Variants in F8 observed in about 807,000 individuals in gnomAD.
The protein encoded by F8 is coagulation factor VIII, also known as antihemophilic factor.
Under a neutral mutation model 140.6 loss-of-function variants are expected in F8, and 12 were observed. That is an observed-to-expected ratio of 0.09 (90% CI 0.05 to 0.14). F8 has a LOEUF of 0.14. Among genes scored for constraint, F8 ranks in the 10% least tolerant of loss-of-function variants. F8 has a pLI of 1.00. For missense variants in F8, 1,354 were observed against 1,720.7 expected, an observed-to-expected ratio of 0.79 and a Z score of 3.77; for synonymous variants, 585 against 614.6, an observed-to-expected ratio of 0.95 and a Z score of 0.71.
chrX:155,003,960 C>CAAAAA (rs869097926), intron 1 of F8, among the ~76,000 whole-genome samples: 4 of 33,161 alleles, frequency 1.2e-4, no homozygotes, highest in African/African-American at 1.2e-4. Context: ...GATTCTGTCT[C>CAAAAA]AAAAAAAAAA....
chrX:154,996,637 G>A (rs1423280551), intron 3 of F8, among the ~76,000 whole-genome samples: 1 of 111,307 alleles, frequency 9.0e-6, no homozygotes, highest in Non-Finnish European at 1.9e-5. Context: ...AAAATGGCAG[G>A]TTCTGTTTGA....
In F8 at chrX:154,899,414, T is replaced by C. The variant is rs1199458768; in HGVS notation, c.6273+452A>G. Among the ~76,000 whole-genome samples, 5 of 112,105 alleles carry C rather than the reference T, an allele frequency of 4.5e-5. No homozygotes were observed. The Admixed American group carries it at 4.7e-4, about 11-fold the overall frequency. The stretch of plus-strand genomic sequence containing the variant: ...ATGTTGAAATGATAGTATTTTCAGA[T>C]ATGTTGAGTTAAATAAAATGTATTA... On this transcript the variant is annotated intron_variant, in intron 21 of 25. Transcript: ENST00000360256.
chrX:155,010,205 T>C (rs1356398470), intron 1 of F8, among the ~76,000 whole-genome samples: 4 of 112,165 alleles, frequency 3.6e-5, no homozygotes, highest in Non-Finnish European at 5.6e-5. Flanking sequence ...TGTTCCAGGG[T>C]TCCTGGGTTT....
chrX:154,938,671 C>G (rs2073236971), intron 13 of F8, among the ~76,000 whole-genome samples: 1 of 110,804 alleles, frequency 9.0e-6, no homozygotes, highest in Non-Finnish European at 1.9e-5. Flanking sequence ...AGACAAACCA[C>G]AGACTGGGAG....
intron 4 of F8, among the ~76,000 whole-genome samples, chrX:154,990,440 A>ATGAAGT (rs2073581402): frequency 8.9e-6 from 1 of 111,817 alleles, no homozygotes; most frequent in Admixed American, 9.5e-5. Flanking sequence ...TTGAATTGGA[A>ATGAAGT]TGAAGTTGAA....
Position 154,904,038 on chromosome X carries a change from C to G in F8, c.5866G>C (p.Asp1956His). ...DTLPGLVMAQDQRIRWYLLSM... is the reference protein window; with the variant it reads ...DTLPGLVMAQHQRIRWYLLSM... Reference sequence around the variant, plus strand: ...AGCAGATACCATCGAATCCTTTGATCCTGAGCCATTACTAAGCCAGGTAGT... The same window carrying G: ...AGCAGATACCATCGAATCCTTTGATGCTGAGCCATTACTAAGCCAGGTAGT... Residue 1956 changes from aspartate to histidine, a missense_variant, in exon 18 of 26, where the codon GAT becomes CAT. Asp to His is a moderately conservative substitution (Grantham distance 81). Around this residue, in one of 4 missense-constraint regions of F8, gnomAD observed 316 missense variants for 485.4 expected, o/e 0.65. Transcript: ENST00000360256. The G allele has an allele frequency of 8.3e-7, 1 of 1,211,521 alleles. No individual in the cohort carries two copies. The highest frequency in any genetic ancestry group is 1.7e-5 in the African/African-American group (1 of 57,733).
intron 14 of F8, among the ~76,000 whole-genome samples, chrX:154,911,098 C>T (rs190777469): frequency 8.2e-5 from 9 of 109,271 alleles, no homozygotes; most frequent in African/African-American, 3.0e-4. Context: ...TCCCCCTCTC[C>T]GAGATGGTAG....
chrX:155,013,979 T>C (rs2073722188), intron 1 of F8, among the ~76,000 whole-genome samples: 1 of 111,438 alleles, frequency 9.0e-6, no homozygotes, highest in African/African-American at 3.3e-5. Flanking sequence ...AAAAGCCCTA[T>C]CTCCAAATAT....
intron 14 of F8, among the ~76,000 whole-genome samples, chrX:154,923,320 G>A (rs1339438855): frequency 4.5e-5 from 5 of 111,457 alleles, no homozygotes; most frequent in African/African-American, 1.3e-4. Flanking sequence ...TATCTTCATC[G>A]TTCCATTTCA....
chrX:154,847,333 C>T (rs1438961962), intron 25 of F8, among the ~76,000 whole-genome samples: 1 of 111,162 alleles, frequency 9.0e-6, no homozygotes, highest in African/African-American at 3.3e-5. Flanking sequence ...GTTGGCCTGC[C>T]TTGCTAGGTT....
chrX:154,935,350 C>T (rs1475521529), intron 13 of F8, among the ~76,000 whole-genome samples: 2 of 111,699 alleles, frequency 1.8e-5, no homozygotes, highest in East Asian at 5.6e-4. Context: ...GTCAATGGAA[C>T]AGAATGGAGA....
intron 1 of F8, among the ~76,000 whole-genome samples, chrX:155,008,242 T>G (rs1557286229): frequency 9.0e-6 from 1 of 111,504 alleles, no homozygotes; most frequent in Non-Finnish European, 1.9e-5. Flanking sequence ...GAAGATTACA[T>G]GGGGTTTGGG....
chrX:155,001,665 G>C (rs1301574304), intron 1 of F8, among the ~76,000 whole-genome samples: 2 of 111,077 alleles, frequency 1.8e-5, no homozygotes, highest in African/African-American at 6.5e-5. Context: ...TGTAATCCCA[G>C]TACTTTGGGA....
rs782187763 is a variant in F8 at position 154,999,569 on chromosome X, A to C, written c.175T>G (p.Phe59Val). 8.3e-7 allele frequency: 1 copy of C among 1,208,313 alleles called. No homozygotes were observed. The highest frequency in any genetic ancestry group is 1.1e-6 in the Non-Finnish European group (1 of 893,072). Residue 59 changes from phenylalanine to valine, a missense_variant, in exon 2 of 26, where the codon TTC (phenylalanine) becomes GTC (valine). This residue lies in a region of F8 where 128 missense variants were observed against 230.4 expected (regional missense o/e 0.56). Coordinates refer to ENST00000360256, the MANE Select transcript of F8 (RefSeq NM_000132.4). The stretch of plus-strand genomic sequence containing the variant: ...TTTTTGTACACGACTGAGGTGTTGA[A>C]TGGAAAAGATTTTGGCACTCTAGGA... ...FPPRVPKSFP[F>V]NTSVVYKKTL...
Position 154,860,561 on chromosome X carries a change from C to T in F8, c.6771G>A (p.Met2257Ile). Reference sequence around the variant, plus strand: ...CCTGAGTAGTTACTCCTGTGACTTTCATTGTCTTCTGGAAGTCCACTTGCA... The same window carrying T: ...CCTGAGTAGTTACTCCTGTGACTTTTATTGTCTTCTGGAAGTCCACTTGCA... The part of the protein sequence containing the change: ...EWLQVDFQKT[M>I]KVTGVTTQGV... Residue 2257 changes from methionine (M) to isoleucine (I), a missense_variant, in exon 25 of 26, where the codon ATG becomes ATA. Coordinates refer to ENST00000360256, the MANE Select transcript of F8 (RefSeq NM_000132.4). 1 of 1,211,718 alleles carries T rather than the reference C, an allele frequency of 8.3e-7. No individual in the cohort carries two copies. Among genetic ancestry groups the T allele is most frequent in the Non-Finnish European group, 1.1e-6 (1 of 895,394 alleles).
At position 154,966,134 on chromosome X, in the gene F8, T is replaced by C. The variant is rs1279399363; in HGVS notation, c.1279A>G (p.Lys427Glu). ...GGGCCATTGTTCAAATATTGACTTT[T>C]ATAACTTCTGTATAAGAGAAAAAAA... ...LVLAPDDRSY[K>E]SQYLNNGPQR... The change falls in exon 9 of 26, where the codon AAA (lysine) becomes GAA (glutamate). Residue 427 changes from lysine (K) to glutamate (E), a missense_variant. Around this residue, in one of 4 missense-constraint regions of F8, gnomAD observed 252 missense variants for 338.5 expected, o/e 0.74. Transcript: ENST00000360256. 1.3e-5 allele frequency: 16 copies of C among 1,207,356 alleles called. No homozygotes were observed. Among genetic ancestry groups the C allele is most frequent in the Non-Finnish European group, 1.8e-5 (16 of 894,168 alleles).
intron 20 of F8, 23 bp from the exon 21 acceptor site, chrX:154,899,974 A>C: frequency 8.5e-7 from 1 of 1,180,472 alleles, no homozygotes; most frequent in African/African-American, 1.7e-5. Flanking sequence ...AAAGAAACAG[A>C]GATTAAATTC....
At chrX:154,946,833 G>A (rs2073307316) in intron 13 of F8, among the ~76,000 whole-genome samples, 1 of 110,817 alleles carries the variant, frequency 9.0e-6, no homozygotes. Flanking sequence ...AACTGAGAGG[G>A]CATTAATAAC....
Position 154,953,935 on chromosome X carries a change from C to T in F8, c.1860G>A (p.Val620=), listed in dbSNP as rs2124090210. 3 of 1,211,802 alleles carry T rather than the reference C, an allele frequency of 2.5e-6. No homozygotes were observed. Among genetic ancestry groups the T allele is most frequent in the East Asian group, 3.0e-5 (1 of 33,856 alleles). Residue 620 remains valine, a synonymous_variant, in exon 12 of 26, where the codon GTG becomes GTA. Coordinates refer to ENST00000360256, the MANE Select transcript of F8 (RefSeq NM_000132.4). Reference sequence around the variant, plus strand: ...CTTGGAACTCTGGATCCTCAAGCTGCACTCCAGCTGGATTGGGGAGAAAGC... The same window carrying T: ...CTTGGAACTCTGGATCCTCAAGCTGTACTCCAGCTGGATTGGGGAGAAAGC... ...IQRFLPNPAG[V]QLEDPEFQAS... is the part of the protein sequence containing the mutation.
Sources: allele counts gnomAD v4.1 joint callset (sites outside exome capture counted in the v4.1 genomes callset), GRCh38; gene constraint gnomAD v4.1.1; regional missense constraint gnomAD v4.1.1; transcripts MANE v1.5; gene names NCBI Gene and HGNC (gene_info 2026-07-23, HGNC 2026-07-21).